FARP1: variants seen among roughly 807,000 people sequenced by gnomAD.
The protein encoded by FARP1 is FERM, ARH/RhoGEF and pleckstrin domain protein 1.
FARP1 carries 52 observed loss-of-function variants against 128.8 expected under a neutral mutation model. The ratio of observed to expected loss-of-function variants is 0.40; its 90% CI spans 0.32 to 0.51. FARP1 has a LOEUF of 0.51. Ranked by LOEUF, FARP1 falls within the 20% of genes least tolerant of loss-of-function variation. The probability of loss-of-function intolerance (pLI) is 0.45; values close to 1 mark genes in which losing one functional copy is unlikely to be tolerated. For missense variants in FARP1, 1,333 were observed against 1,367.9 expected (o/e 0.97, Z 0.40); for synonymous variants, 580 against 551.8 (o/e 1.05, Z -0.72).
At chr13:98,365,537 C>A in intron 4 of FARP1, 100 bp downstream of exon 4, 1 of 763,088 alleles carries the variant, frequency 1.3e-6, no homozygotes, top group Non-Finnish European at 2.2e-6. Flanking sequence ...ACTAGAAACA[C>A]AAATTCTTCT....
intron 1 of FARP1, among the ~76,000 whole-genome samples, chr13:98,195,358 A>T (rs556887400): frequency 3.9e-5 from 6 of 152,134 alleles, no homozygotes; most frequent in Non-Finnish European, 7.3e-5. Context: ...GCTTTGGGGA[A>T]TATATGTATT....
chr13:98,214,345 G>A (rs1196343627), intron 2 of FARP1, among the ~76,000 whole-genome samples: 1 of 152,000 alleles, frequency 6.6e-6, no homozygotes, highest in Non-Finnish European at 1.5e-5. Flanking sequence ...AACACTCCTC[G>A]GATCTAGTAT....
At chr13:98,365,366 G>A in intron 3 of FARP1, 29 bp from the exon 4 acceptor site, 1 of 1,572,814 alleles carries the variant, frequency 6.4e-7, no homozygotes, top group Non-Finnish European at 8.7e-7. Flanking sequence ...GAGAACTTAG[G>A]TCTTAATCTG....
intron 1 of FARP1, among the ~76,000 whole-genome samples, chr13:98,209,449 G>C (rs1487121419): frequency 6.6e-6 from 1 of 150,816 alleles, no homozygotes; most frequent in African/African-American, 2.4e-5. Flanking sequence ...GGGATCAGGA[G>C]ACAGACTATC....
Position 98,369,700 on chromosome 13 carries a change from AT to A in FARP1, c.398+1511del, listed in dbSNP as rs566091450. On this transcript the variant is annotated intron_variant, in intron 5 of 26. Transcript: ENST00000319562. ...TCCCTACAAAGGACATGAACTCATC[AT>A]TTTTTATGGCTGCATAGTATTCCAT... Among the ~76,000 whole-genome samples the A allele has an allele frequency of 6.2e-3, 937 of 152,116 alleles. 12 individuals are homozygous for A. Among genetic ancestry groups the A allele is most frequent in the African/African-American group, 0.021 (862 of 41,506 alleles).
intron 2 of FARP1, among the ~76,000 whole-genome samples, chr13:98,272,098 T>G (rs1352910684): frequency 6.6e-6 from 1 of 152,090 alleles, no homozygotes; most frequent in African/African-American, 2.4e-5. Context: ...GGTGCGATCT[T>G]GGCTCACTGC....
At chr13:98,150,423 CATCTT>C (rs1271528057) in intron 1 of FARP1, among the ~76,000 whole-genome samples, 3 of 152,142 alleles carry the variant, frequency 2.0e-5, no homozygotes, top group African/African-American at 4.8e-5. Flanking sequence ...TTCTTAATGT[CATCTT>C]ATAGTTGTAG....
chr13:98,342,700 CAATA>C (rs1297292883), intron 2 of FARP1, among the ~76,000 whole-genome samples: 5 of 150,360 alleles, frequency 3.3e-5, no homozygotes, highest in African/African-American at 4.9e-5. Context: ...GACTCTGTTT[CAATA>C]AATAAATAAG....
chr13:98,383,468 T>C (rs1454228111), intron 6 of FARP1: 1 of 152,210 alleles, frequency 6.6e-6, no homozygotes, highest in Non-Finnish European at 1.5e-5. Context: ...AGAACAGATA[T>C]CCTCAGTGGG....
chr13:98,372,817 C>G (rs2139993241), intron 5 of FARP1, among the ~76,000 whole-genome samples: 1 of 152,238 alleles, frequency 6.6e-6, no homozygotes, highest in Non-Finnish European at 1.5e-5. Context: ...GCTAAGGAAA[C>G]TTGATTCCAT....
chr13:98,224,805 G>GA (rs1188105993), intron 2 of FARP1, among the ~76,000 whole-genome samples: 8 of 152,124 alleles, frequency 5.3e-5, no homozygotes, highest in African/African-American at 1.9e-4. Context: ...GCCTCACAGA[G>GA]AACATGAAGG....
chr13:98,206,064 TTTTG>T (rs1261006083), intron 1 of FARP1, among the ~76,000 whole-genome samples: 17 of 152,296 alleles, frequency 1.1e-4, no homozygotes, highest in Admixed American at 5.2e-4. Flanking sequence ...GTAAAGGTTT[TTTTG>T]TTTGTTTGTT....
intron 18 of FARP1, 181 bp downstream of exon 18, chr13:98,431,461 ATTTT>A (rs34662991): frequency 1.3e-3 from 452 of 338,818 alleles, no homozygotes; most frequent in South Asian, 1.9e-3. Context: ...TTACATCTTG[ATTTT>A]TTTTTTTTTT....
intron 1 of FARP1, among the ~76,000 whole-genome samples, chr13:98,184,826 G>A (rs1878754817): frequency 6.6e-6 from 1 of 152,072 alleles, no homozygotes; most frequent in South Asian, 2.1e-4. Flanking sequence ...GATGTTTTTG[G>A]CAAATACTTC....
intron 2 of FARP1, among the ~76,000 whole-genome samples, chr13:98,321,953 TC>T (rs1420272876): frequency 3.9e-5 from 6 of 152,186 alleles, no homozygotes; most frequent in African/African-American, 1.2e-4. Flanking sequence ...CTCCAGTACT[TC>T]CTGGTGGGGT....
At chr13:98,167,715 C>T (rs2139152308) in intron 1 of FARP1, among the ~76,000 whole-genome samples, 1 of 152,210 alleles carries the variant, frequency 6.6e-6, no homozygotes, top group Admixed American at 6.5e-5. Flanking sequence ...TGGCCGCAAA[C>T]AGTTTTAAAA....
intron 19 of FARP1, among the ~76,000 whole-genome samples, chr13:98,436,615 T>A (rs1226637590): frequency 1.3e-5 from 2 of 152,318 alleles, no homozygotes; most frequent in Admixed American, 6.5e-5. Flanking sequence ...AAGGAAGCTC[T>A]CCTTGTTTTG....
intron 2 of FARP1, among the ~76,000 whole-genome samples, chr13:98,342,376 C>G (rs1254880950): frequency 6.6e-6 from 1 of 152,302 alleles, no homozygotes; most frequent in East Asian, 1.9e-4. Context: ...GTATTACATC[C>G]AGACAGTGGA....
intron 2 of FARP1, among the ~76,000 whole-genome samples, chr13:98,229,023 G>T (rs1353686885): frequency 6.6e-6 from 1 of 152,118 alleles, no homozygotes; most frequent in Non-Finnish European, 1.5e-5. Context: ...TTATCTTTGA[G>T]CAAGCAAGCC....
Sources: allele counts gnomAD v4.1 joint callset (sites outside exome capture counted in the v4.1 genomes callset), GRCh38; gene constraint gnomAD v4.1.1; transcripts MANE v1.5; gene names NCBI Gene and HGNC (gene_info 2026-07-23, HGNC 2026-07-21).